ELAVL2: variants seen among roughly 807,000 people sequenced by gnomAD.
ELAVL2 encodes ELAV-like protein 2.
Under a neutral mutation model 34.6 loss-of-function variants are expected in ELAVL2, and 4 were observed. That is an observed-to-expected ratio of 0.12 (90% confidence interval 0.06 to 0.26). The LOEUF (loss-of-function observed/expected upper bound fraction) is 0.26. ELAVL2 is among the 10% of genes least tolerant of loss of function. The pLI is 1.00. For missense variants in ELAVL2, 432 were observed against 442.8 expected, an observed-to-expected ratio of 0.98 and a Z score of 0.22; for synonymous variants, 193 against 154.8, an observed-to-expected ratio of 1.25 and a Z score of -1.83.
chr9:23,720,221 AG>A (rs2043315883), intron 3 of ELAVL2, among the ~76,000 whole-genome samples: 1 of 150,966 alleles, frequency 6.6e-6, no homozygotes, highest in South Asian at 2.1e-4. Context: ...CACCCAGGCT[AG>A]GGTGCAGTGG....
At chr9:23,743,008 A>C (rs1448793376) in intron 2 of ELAVL2, among the ~76,000 whole-genome samples, 1 of 152,180 alleles carries the variant, frequency 6.6e-6, no homozygotes, top group Admixed American at 6.5e-5. Flanking sequence ...ACACAGCTTC[A>C]CAAACCTCAA....
chr9:23,759,535 T>A (rs888983157), intron 2 of ELAVL2, among the ~76,000 whole-genome samples: 1 of 151,480 alleles, frequency 6.6e-6, no homozygotes, highest in Admixed American at 6.6e-5. Context: ...TACTTCCAAA[T>A]AGCTAGAAGA....
At chr9:23,847,264 T>G in the ELAVL2 span, 2 of 152,222 alleles carry the variant, frequency 1.3e-5, no homozygotes, top group Admixed American at 1.3e-4. Context: ...TTTTTTGCCT[T>G]TATGCTTGCA....
At chr9:23,747,458 T>A (rs774456151) in intron 2 of ELAVL2, among the ~76,000 whole-genome samples, 1 of 152,180 alleles carries the variant, frequency 6.6e-6, no homozygotes, top group Non-Finnish European at 1.5e-5. Context: ...CTTCAACAGA[T>A]AGTCACCACT....
rs900701213 is a variant in ELAVL2 at position 23,690,501 on chromosome 9, G to A, written c.*2056C>T. 6.6e-6 allele frequency: 1 copy of A among 152,366 alleles called. No individual in the cohort carries two copies. Among genetic ancestry groups the A allele is most frequent in the Non-Finnish European group, 1.5e-5 (1 of 67,946 alleles). 9.4% of individuals were successfully genotyped at this position (152,366 alleles called of 1,614,324 possible). ...CTCTGGCAATCTAAATGCACCTAAG[G>A]ATATGAGAAAGTGCTAAGCCAATTG... On this transcript the variant is annotated 3_prime_UTR_variant, in exon 7 of 7. Transcript: ENST00000397312.
At chr9:23,754,481 C>A (rs984762210) in intron 2 of ELAVL2, among the ~76,000 whole-genome samples, 8 of 151,618 alleles carry the variant, frequency 5.3e-5, no homozygotes, top group Non-Finnish European at 1.0e-4. Context: ...GAAATGGAGT[C>A]TTGCTCTGTC....
chr9:23,779,009 G>A (rs1161228254), intron 1 of ELAVL2, among the ~76,000 whole-genome samples: 1 of 152,180 alleles, frequency 6.6e-6, no homozygotes, highest in Non-Finnish European at 1.5e-5. Flanking sequence ...CTATGAGAAA[G>A]AAGAGGAGGG....
intron 1 of ELAVL2, among the ~76,000 whole-genome samples, chr9:23,779,996 A>ACTCC: frequency 7.9e-5 from 1 of 12,704 alleles, no homozygotes; most frequent in African/African-American, 1.4e-3. Flanking sequence ...AAAAAAAAAA[A>ACTCC]AAAAAAAAAA....
chr9:23,777,112 G>C (rs1169626360), intron 1 of ELAVL2, among the ~76,000 whole-genome samples: 2 of 152,258 alleles, frequency 1.3e-5, no homozygotes, highest in East Asian at 1.9e-4. Flanking sequence ...GCAGTAAATA[G>C]TCTTTAACTG....
chr9:23,737,418 C>G (rs1741036489), intron 2 of ELAVL2, among the ~76,000 whole-genome samples: 1 of 152,114 alleles, frequency 6.6e-6, no homozygotes, highest in Non-Finnish European at 1.5e-5. Context: ...TAAAATTGTT[C>G]ATACGAAAAA....
In ELAVL2 at chr9:23,703,797, A is replaced by C. The variant is rs1182352863; in HGVS notation, c.487+1121T>G. On this transcript the variant is annotated intron_variant, in intron 4 of 6. Transcript: ENST00000397312. ...AGGAGAAAAGCTACCTTAAAAAAAC[A>C]AACAAAAACAACCTCACAAATCTTC... Among the ~76,000 whole-genome samples, 3 of 152,202 alleles carry C rather than the reference A, an allele frequency of 2.0e-5. No individual in the cohort carries two copies. The East Asian group carries it at 5.8e-4, about 29-fold the overall frequency.
intron 5 of ELAVL2, among the ~76,000 whole-genome samples, chr9:23,695,429 G>A (rs112463098): frequency 0.25 from 46 of 184 alleles, 1 homozygote; most frequent in Admixed American, 0.5. Flanking sequence ...CAAGCATACG[G>A]CCCAGAGACA....
chr9:23,726,573 T>A (rs1170493740), intron 3 of ELAVL2, among the ~76,000 whole-genome samples: 3 of 151,922 alleles, frequency 2.0e-5, no homozygotes, highest in Non-Finnish European at 4.4e-5. Flanking sequence ...AAATAAAGCA[T>A]CCTAGGCCCA....
chr9:23,807,991 TA>T (rs1486417903), intron 1 of ELAVL2, among the ~76,000 whole-genome samples: 1 of 152,046 alleles, frequency 6.6e-6, no homozygotes, highest in Non-Finnish European at 1.5e-5. Context: ...CGGTTTCTCG[TA>T]AAAAATATAA....
At chr9:23,836,851 G>A in the ELAVL2 span, among the ~76,000 whole-genome samples, 1 of 152,090 alleles carries the variant, frequency 6.6e-6, no homozygotes, top group African/African-American at 2.4e-5. Flanking sequence ...CCAGTAGAGG[G>A]AAGTACAGAT....
At chr9:23,847,406 A>C in the ELAVL2 span, 1 of 152,080 alleles carries the variant, frequency 6.6e-6, no homozygotes, top group Non-Finnish European at 1.5e-5. Context: ...TTTTTCACTT[A>C]AAGTGAGTCA....
intron 3 of ELAVL2, among the ~76,000 whole-genome samples, chr9:23,728,060 C>T (rs779858471): frequency 3.9e-5 from 6 of 151,986 alleles, no homozygotes; most frequent in Non-Finnish European, 7.4e-5. Flanking sequence ...GATCAGAAGA[C>T]AAGGATTTGT....
intron 1 of ELAVL2, chr9:23,821,826 G>A (rs924610725): frequency 6.6e-6 from 1 of 151,526 alleles, no homozygotes; most frequent in Admixed American, 6.6e-5. Flanking sequence ...GTGACGCCCA[G>A]GCGCCGCGGT....
chr9:23,830,602 A>ACACACACACACACACACACT (rs2065468694), upstream of ELAVL2, among the ~76,000 whole-genome samples: 6 of 37,114 alleles, frequency 1.6e-4, no homozygotes, highest in Admixed American at 1.9e-3. Context: ...CCCCCCACTT[A>ACACACACACACACACACACT]CACACACACA....
Sources: allele counts gnomAD v4.1 joint callset (sites outside exome capture counted in the v4.1 genomes callset), GRCh38; gene constraint gnomAD v4.1.1; transcripts MANE v1.5; gene names NCBI Gene and HGNC (gene_info 2026-07-23, HGNC 2026-07-21).